PARD3: variants seen among roughly 807,000 people sequenced by gnomAD.
PARD3 encodes par-3 family cell polarity regulator, also known as partitioning defective 3 homolog.
Under a neutral mutation model 155.4 loss-of-function variants are expected in PARD3, and 75 were observed. That is an observed-to-expected ratio of 0.48 (90% CI 0.40 to 0.58). The LOEUF is 0.58. Ranked by LOEUF, PARD3 falls within the 20% of genes least tolerant of loss-of-function variation. The pLI, the probability that PARD3 is intolerant of heterozygous loss-of-function variation, is 0.00. For synonymous variants in PARD3, 576 were observed against 610.5 expected (o/e 0.94, Z 0.83); for missense variants, 1,642 against 1,721.7 (o/e 0.95, Z 0.82).
rs548825250 is a variant in PARD3 at position 34,542,130 on chromosome 10, G to A, written c.223-24971C>T. ...CAAACATTTTTAAAGAAAATGATAT[G>A]GAATGAATAGAATGGAACAAAATAA... is the stretch of plus-strand genomic sequence containing the variant. On this transcript the variant is annotated intron_variant, in intron 2 of 24. Coordinates refer to ENST00000374788, the MANE Select transcript of PARD3 (RefSeq NM_001184785.2). 1.3e-4 allele frequency among the ~76,000 whole-genome samples: 20 copies of A among 151,624 alleles called. No homozygotes were observed. The East Asian group carries it at 3.1e-3, about 24-fold the overall frequency.
At chr10:34,762,537 G>A (rs988385882) in intron 1 of PARD3, among the ~76,000 whole-genome samples, 8 of 143,282 alleles carry the variant, frequency 5.6e-5, no homozygotes, top group Admixed American at 1.5e-4. Flanking sequence ...TTGAACTCCC[G>A]GACTCAAGCA....
In PARD3 at chr10:34,337,402, T is replaced by G. The variant is rs749926269; in HGVS notation, c.2433A>C (p.Pro811=). 1 of 1,596,400 alleles carries G rather than the reference T, an allele frequency of 6.3e-7. No homozygotes were observed. Among genetic ancestry groups the G allele is most frequent in the South Asian group, 1.1e-5 (1 of 87,676 alleles). ...ATCCTTCTCGTTGAAAAGCAAGAAC[T>G]GGATCAACATCTGGACTCAAAGAGC... is the stretch of plus-strand genomic sequence containing the variant. ...ADCSLSPDVD[P]VLAFQREGFG... Residue 811 remains proline (P), a synonymous_variant, in exon 17 of 25, where the codon CCA becomes CCC. Transcript: ENST00000374788.
chr10:34,112,210 CG>C (rs1946421772), intron 24 of PARD3, among the ~76,000 whole-genome samples: 1 of 152,126 alleles, frequency 6.6e-6, no homozygotes, highest in Non-Finnish European at 1.5e-5. Flanking sequence ...ACGGAGAGTC[CG>C]GAAGTCTGTA....
chr10:34,521,024 T>G (rs2082111205), intron 2 of PARD3, among the ~76,000 whole-genome samples: 1 of 152,236 alleles, frequency 6.6e-6, no homozygotes, highest in Admixed American at 6.5e-5. Context: ...ATTCATGTTT[T>G]GTTATTAACT....
In PARD3 at chr10:34,269,764, G is replaced by A. The variant is rs781420067; in HGVS notation, c.3312C>T (p.Ser1104=). Residue 1104 remains serine, a synonymous_variant, in exon 22 of 25, where the codon TCC becomes TCT. Transcript: ENST00000374788. ...TCTGAGGTCTAGCGTTGAGAGCCAT[G>A]GAACCTTCATAAGAAGAAACTCCCC... ...MYGGVSSYEG[S]MALNARPQSP... 1 of 1,613,944 alleles carries A rather than the reference G, an allele frequency of 6.2e-7. No individual in the cohort carries two copies. Among genetic ancestry groups the A allele is most frequent in the Non-Finnish European group, 8.5e-7 (1 of 1,179,956 alleles).
intron 2 of PARD3, among the ~76,000 whole-genome samples, chr10:34,622,712 T>C (rs2091750348): frequency 6.6e-6 from 1 of 152,176 alleles, no homozygotes; most frequent in Non-Finnish European, 1.5e-5. Context: ...AAGAAGCTTT[T>C]GGGAAAACAA....
intron 2 of PARD3, among the ~76,000 whole-genome samples, chr10:34,592,612 C>T (rs2088817025): frequency 6.6e-6 from 1 of 152,020 alleles, no homozygotes; most frequent in Admixed American, 6.6e-5. Context: ...CCTGTCTCTA[C>T]TAAAAATACA....
intron 22 of PARD3, among the ~76,000 whole-genome samples, chr10:34,242,473 C>T (rs1953670253): frequency 6.6e-6 from 1 of 152,108 alleles, no homozygotes; most frequent in Admixed American, 6.5e-5. Flanking sequence ...ACCACACCCC[C>T]AGACCAGTTC....
At chr10:34,450,218 C>T (rs1564727961) in intron 5 of PARD3, 99 bp downstream of exon 5, 1 of 1,139,688 alleles carries the variant, frequency 8.8e-7, no homozygotes, top group East Asian at 2.4e-5. Context: ...GAATAATTAA[C>T]TTTTAATCAT....
At chr10:34,239,004 A>T (rs998508342) in intron 22 of PARD3, among the ~76,000 whole-genome samples, 6 of 152,220 alleles carry the variant, frequency 3.9e-5, no homozygotes, top group African/African-American at 1.4e-4. Flanking sequence ...GACATATTTT[A>T]AAAGGAGAAT....
rs765476348 is a variant in PARD3 at position 34,119,671 on chromosome 10, G to A, written c.3610C>T (p.Arg1204Trp). Reference sequence around the variant, plus strand: ...TGGGAGCTCTCGCGCTCCTCCTGCCGCTGCCGCTGCATCTGCACCTCCACG... The same window carrying A: ...TGGGAGCTCTCGCGCTCCTCCTGCCACTGCCGCTGCATCTGCACCTCCACG... ...VSVEVQMQRQ[R>W]QEERESSQQA... Residue 1204 changes from arginine (R) to tryptophan (W), a missense_variant, in exon 24 of 25, where the codon CGG becomes TGG. This residue lies in a region of PARD3 where 1,529 missense variants were observed against 1,587.3 expected (regional missense o/e 0.96). Coordinates refer to ENST00000374788, the MANE Select transcript of PARD3 (RefSeq NM_001184785.2). The A allele has an allele frequency of 5.0e-6, 8 of 1,611,874 alleles. No individual in the cohort carries two copies. Among genetic ancestry groups the A allele is most frequent in the Non-Finnish European group, 8.5e-7 (1 of 1,179,380 alleles).
chr10:34,152,887 T>C (rs1388830006), intron 22 of PARD3, among the ~76,000 whole-genome samples: 1 of 152,194 alleles, frequency 6.6e-6, no homozygotes, highest in Non-Finnish European at 1.5e-5. Flanking sequence ...ATTCCAATGA[T>C]AAGGTAGCCT....
chr10:34,117,428 A>T (rs916900677), intron 24 of PARD3, among the ~76,000 whole-genome samples: 29 of 152,034 alleles, frequency 1.9e-4, no homozygotes, highest in Admixed American at 3.3e-4. Flanking sequence ...AGCCACACAG[A>T]CTGGAGGGCA....
chr10:34,152,485 G>A (rs1022713848), intron 22 of PARD3, among the ~76,000 whole-genome samples: 1 of 152,096 alleles, frequency 6.6e-6, no homozygotes, highest in Admixed American at 6.6e-5. Flanking sequence ...TATAGAAAAG[G>A]TACAGTACAA....
intron 22 of PARD3, among the ~76,000 whole-genome samples, chr10:34,166,615 T>G (rs1448301515): frequency 1.3e-5 from 2 of 149,010 alleles, no homozygotes; most frequent in Admixed American, 1.3e-4. Flanking sequence ...GGTAACAGAG[T>G]AAGATCCTGT....
intron 2 of PARD3, among the ~76,000 whole-genome samples, chr10:34,606,478 G>A (rs1365922183): frequency 6.6e-6 from 1 of 151,676 alleles, no homozygotes; most frequent in Non-Finnish European, 1.5e-5. Context: ...TCTGGGACTT[G>A]GAAAATAAAG....
chr10:34,178,086 G>A (rs765814609), intron 22 of PARD3, among the ~76,000 whole-genome samples: 2 of 152,164 alleles, frequency 1.3e-5, no homozygotes, highest in Non-Finnish European at 2.9e-5. Flanking sequence ...AAAGGTTTAT[G>A]TTTGACATAA....
intron 20 of PARD3, chr10:34,312,313 T>TA: frequency 6.2e-7 from 1 of 1,609,188 alleles, no homozygotes. Flanking sequence ...AACTGTGCAA[T>TA]ATGTGCTGTT....
intron 4 of PARD3, among the ~76,000 whole-genome samples, chr10:34,465,253 T>C (rs966849801): frequency 3.3e-5 from 5 of 152,298 alleles, no homozygotes; most frequent in Admixed American, 1.3e-4. Context: ...CCTGATGGCA[T>C]TTCCCTGCTT....
Sources: allele counts gnomAD v4.1 joint callset (sites outside exome capture counted in the v4.1 genomes callset), GRCh38; gene constraint gnomAD v4.1.1; regional missense constraint gnomAD v4.1.1; transcripts MANE v1.5; gene names NCBI Gene and HGNC (gene_info 2026-07-23, HGNC 2026-07-21).